The following NDUFAF2 variants were observed in gnomAD, a reference collection of about 807,000 sequenced individuals.
NDUFAF2 encodes the protein NADH:ubiquinone oxidoreductase complex assembly factor 2, also known as NADH dehydrogenase [ubiquinone] 1 alpha subcomplex assembly factor 2.
Under a neutral mutation model 22.8 loss-of-function variants are expected in NDUFAF2, and 13 were observed. The observed-to-expected ratio is 0.57, with a 90% confidence interval of 0.37 to 0.91. The LOEUF (loss-of-function observed/expected upper bound fraction) is 0.91, where lower values mean the gene tolerates loss of function less well. Among genes scored for constraint, NDUFAF2 ranks in the 40% least tolerant of loss-of-function variants. NDUFAF2 has a pLI of 0.01. For synonymous variants in NDUFAF2, 53 were observed against 64.2 expected (o/e 0.83, Z 0.84); for missense variants, 162 against 195.2 (o/e 0.83, Z 1.01).
intron 3 of NDUFAF2, among the ~76,000 whole-genome samples, chr5:61,127,178 C>T (rs957068564): frequency 3.9e-5 from 6 of 151,986 alleles, no homozygotes; most frequent in Non-Finnish European, 8.8e-5. Context: ...CAGGACCAGA[C>T]AGATTCACAG....
chr5:61,030,298 A>G (rs1302738115), intron 1 of NDUFAF2, among the ~76,000 whole-genome samples: 1 of 152,152 alleles, frequency 6.6e-6, no homozygotes, highest in African/African-American at 2.4e-5. Context: ...CTGATTGTGT[A>G]GGCAGAATGG....
At chr5:61,056,010 G>C (rs751352587) in intron 1 of NDUFAF2, among the ~76,000 whole-genome samples, 15 of 152,018 alleles carry the variant, frequency 9.9e-5, no homozygotes, top group Admixed American at 3.3e-4. Context: ...ACATTAATAA[G>C]CCAAATTAAC....
rs149205184 is a variant in NDUFAF2, at chr5:61,078,521, A to G, written c.217+5307A>G. Among the ~76,000 whole-genome samples, 127 of 152,280 alleles carry G rather than the reference A, an allele frequency of 8.3e-4. 2 individuals are homozygous for G. Among genetic ancestry groups the G allele is most frequent in the African/African-American group, 3.0e-3 (124 of 41,550 alleles). ...TTTGGGAGACTGAGGCAAGCAGGTC[A>G]CTTGAGTCCAGGAGTTCTAGACCAG... On this transcript the variant is annotated intron_variant, in intron 2 of 3. Transcript: ENST00000296597.
chr5:61,032,762 A>C (rs1751744730), intron 1 of NDUFAF2, among the ~76,000 whole-genome samples: 1 of 152,190 alleles, frequency 6.6e-6, no homozygotes, highest in African/African-American at 2.4e-5. Context: ...TTCTGTGAAG[A>C]AAGTCAATGG....
At chr5:60,979,082 A>G (rs572243050) in intron 1 of NDUFAF2, among the ~76,000 whole-genome samples, 1 of 152,284 alleles carries the variant, frequency 6.6e-6, no homozygotes, top group East Asian at 1.9e-4. Context: ...TCCAGTTTTG[A>G]AGGGAAATAC....
At chr5:61,144,791 C>T (rs1353110035) in intron 3 of NDUFAF2, among the ~76,000 whole-genome samples, 1 of 152,172 alleles carries the variant, frequency 6.6e-6, no homozygotes, top group African/African-American at 2.4e-5. Context: ...ATTTCCAAAG[C>T]CCAGGTTTAA....
intron 1 of NDUFAF2, among the ~76,000 whole-genome samples, chr5:60,967,534 G>T (rs1750773626): frequency 6.8e-6 from 1 of 148,114 alleles, no homozygotes; most frequent in African/African-American, 2.5e-5. Flanking sequence ...TTTGTTGGAA[G>T]TTTTTTTTTT....
At chr5:61,063,907 T>C (rs1752197396) in intron 1 of NDUFAF2, among the ~76,000 whole-genome samples, 1 of 152,134 alleles carries the variant, frequency 6.6e-6, no homozygotes, top group South Asian at 2.1e-4. Flanking sequence ...AACTTGAATG[T>C]AAATGGATTA....
intron 3 of NDUFAF2, among the ~76,000 whole-genome samples, chr5:61,110,759 A>G (rs774816442): frequency 6.6e-6 from 1 of 152,020 alleles, no homozygotes; most frequent in Non-Finnish European, 1.5e-5. Context: ...TCTTTTAAAA[A>G]TGACTTTTCT....
chr5:61,014,378 G>T (rs1308480684), intron 1 of NDUFAF2, among the ~76,000 whole-genome samples: 1 of 152,164 alleles, frequency 6.6e-6, no homozygotes, highest in Non-Finnish European at 1.5e-5. Flanking sequence ...CTTGTGCTTG[G>T]AACCTTTCCA....
At chr5:61,149,251 G>A (rs558394581) in intron 3 of NDUFAF2, among the ~76,000 whole-genome samples, 5 of 152,236 alleles carry the variant, frequency 3.3e-5, no homozygotes, top group East Asian at 1.9e-4. Flanking sequence ...GATTACAGTC[G>A]TGAGCCACCA....
intron 1 of NDUFAF2, among the ~76,000 whole-genome samples, chr5:61,006,053 T>C (rs1751362099): frequency 1.3e-5 from 2 of 152,208 alleles, no homozygotes; most frequent in African/African-American, 2.4e-5. Context: ...TAGGTTTTCT[T>C]GTAGGGTTTT....
chr5:61,022,188 A>G (rs7709522), intron 1 of NDUFAF2, among the ~76,000 whole-genome samples: 72,410 of 152,098 alleles, frequency 0.48, 17,750 homozygotes, highest in East Asian at 0.81. Context: ...ATTGACAAAA[A>G]TGTTAACTAT....
At position 61,152,977 on chromosome 5, in the gene NDUFAF2, T is replaced by C; in HGVS notation, c.*22T>C. On this transcript the variant is annotated 3_prime_UTR_variant, in exon 4 of 4. Coordinates refer to ENST00000296597, the MANE Select transcript of NDUFAF2 (RefSeq NM_174889.5). ...ATGAATGCATTATGGTCAAATCTTTTCATGTATATGGATGTGACTATTTTA... is the reference window on the plus strand; with the variant it reads ...ATGAATGCATTATGGTCAAATCTTTCCATGTATATGGATGTGACTATTTTA... 6.2e-7 allele frequency: 1 copy of C among 1,612,746 alleles called. No individual in the cohort carries two copies. The highest frequency in any genetic ancestry group is 8.5e-7 in the Non-Finnish European group (1 of 1,178,980).
At chr5:61,045,669 G>C (rs937683269) in intron 1 of NDUFAF2, among the ~76,000 whole-genome samples, 12 of 138,980 alleles carry the variant, frequency 8.6e-5, no homozygotes, top group African/African-American at 3.3e-4. Context: ...TACTGTTAGT[G>C]TATTTTTGTA....
At chr5:61,074,726 C>T (rs1752345331) in intron 2 of NDUFAF2, among the ~76,000 whole-genome samples, 1 of 152,152 alleles carries the variant, frequency 6.6e-6, no homozygotes, top group African/African-American at 2.4e-5. Context: ...CGCCATTGCA[C>T]TCTGGCTTGG....
chr5:61,074,245 A>G (rs190571449), intron 2 of NDUFAF2, among the ~76,000 whole-genome samples: 5 of 152,272 alleles, frequency 3.3e-5, no homozygotes, highest in Non-Finnish European at 5.9e-5. Context: ...TGAGGCCAGG[A>G]GTTCAAGACC....
At chr5:60,962,370 C>T (rs1750700151) in intron 1 of NDUFAF2, among the ~76,000 whole-genome samples, 1 of 152,116 alleles carries the variant, frequency 6.6e-6, no homozygotes, top group Admixed American at 6.6e-5. Context: ...TATTCACTGT[C>T]CTTTAAACAC....
chr5:60,997,384 A>G (rs1751240822), intron 1 of NDUFAF2, among the ~76,000 whole-genome samples: 2 of 152,200 alleles, frequency 1.3e-5, no homozygotes, highest in African/African-American at 4.8e-5. Flanking sequence ...CATTGGAAAT[A>G]TTGTAAAAAT....
Sources: gnomAD v4.1 joint callset for allele counts (sites outside exome capture counted in the v4.1 genomes callset) on GRCh38, gnomAD v4.1.1 for gene constraint, MANE v1.5 for transcripts, NCBI Gene and HGNC (gene_info 2026-07-23, HGNC 2026-07-21) for gene names.